GSDMC: variants seen among roughly 807,000 people sequenced by gnomAD.
The protein encoded by GSDMC is gasdermin-C.
In GSDMC, 59 loss-of-function variants were observed where a neutral mutation model predicts 58.0. That is an observed-to-expected ratio of 1.02 (90% confidence interval 0.82 to 1.26). GSDMC has a LOEUF of 1.26. GSDMC is among the 50% of genes most tolerant of loss of function. GSDMC has a pLI of 0.00. For missense variants in GSDMC, 659 were observed against 598.5 expected (o/e 1.10, Z -1.06); for synonymous variants, 241 against 220.2 (o/e 1.09, Z -0.83).
chr8:129,762,530 G>A (rs1215705310), intron 5 of GSDMC, 96 bp downstream of exon 5: 9 of 790,312 alleles, frequency 1.1e-5, no homozygotes, highest in South Asian at 1.0e-4. Context: ...AGCATCAAAG[G>A]TTGCATACTA....
chr8:129,751,917 C>G, intron 8 of GSDMC, 26 bp from the exon 9 acceptor site: 1 of 1,608,728 alleles, frequency 6.2e-7, no homozygotes, highest in East Asian at 2.2e-5. Context: ...AAATTCCTCA[C>G]CAAAGAGGCT....
At chr8:129,749,001 A>G (rs1408109360) in intron 13 of GSDMC, among the ~76,000 whole-genome samples, 1 of 152,194 alleles carries the variant, frequency 6.6e-6, no homozygotes, top group Non-Finnish European at 1.5e-5. Flanking sequence ...TTCTAAATGT[A>G]TATGCATATA....
At chr8:129,755,889 CAA>C (rs900724015) in intron 6 of GSDMC, among the ~76,000 whole-genome samples, 1 of 124,642 alleles carries the variant, frequency 8.0e-6, no homozygotes, top group Admixed American at 8.0e-5. Flanking sequence ...AAACAAAAAG[CAA>C]AAAAAAAAAC....
chr8:129,710,410 TTC>T, the GSDMC span, among the ~76,000 whole-genome samples: 1 of 152,200 alleles, frequency 6.6e-6, no homozygotes, highest in South Asian at 2.1e-4. Context: ...CAGTGATGCT[TTC>T]TTGTGTTTGG....
chr8:129,755,428 G>A (rs892203701), intron 6 of GSDMC, among the ~76,000 whole-genome samples: 2 of 152,122 alleles, frequency 1.3e-5, no homozygotes, highest in African/African-American at 4.8e-5. Flanking sequence ...CAAAAGCTGA[G>A]TAATTTCATC....
chr8:129,774,468 A>C (rs955785112), intron 3 of GSDMC, among the ~76,000 whole-genome samples: 1 of 151,940 alleles, frequency 6.6e-6, no homozygotes, highest in Non-Finnish European at 1.5e-5. Context: ...ACAGGGGGAA[A>C]GTTCCTCAAG....
At chr8:129,775,705 TTAAA>T (rs1563811459) in intron 3 of GSDMC, among the ~76,000 whole-genome samples, 1 of 152,210 alleles carries the variant, frequency 6.6e-6, no homozygotes, top group Non-Finnish European at 1.5e-5. Context: ...TACATGTTAT[TTAAA>T]TAAACAGTTT....
chr8:129,777,877 AC>A (rs990647111), intron 1 of GSDMC, among the ~76,000 whole-genome samples: 9 of 152,058 alleles, frequency 5.9e-5, no homozygotes, highest in South Asian at 2.1e-4. Flanking sequence ...ACACCATCAC[AC>A]CTGGCTTCCA....
intron 6 of GSDMC, among the ~76,000 whole-genome samples, chr8:129,755,504 A>G (rs1310572746): frequency 6.6e-6 from 1 of 152,176 alleles, no homozygotes; most frequent in Non-Finnish European, 1.5e-5. Flanking sequence ...AAGGACATTA[A>G]TGAGCAAGAA....
rs192005088 is a variant in GSDMC at position 129,755,130 on chromosome 8, G to A, written c.722-2310C>T. Among the ~76,000 whole-genome samples the A allele has an allele frequency of 5.9e-5, 9 of 152,186 alleles. No homozygotes were observed. The South Asian group carries it at 8.3e-4, about 14-fold the overall frequency. On this transcript the variant is annotated intron_variant, in intron 6 of 13. Coordinates refer to ENST00000276708, the MANE Select transcript of GSDMC (RefSeq NM_031415.3). ...GTACAAGTAAGTTATAGAACACCAC[G>A]CAGATTTAACCCAAAGCAGACTACC...
At chr8:129,706,857 T>C in the GSDMC span, among the ~76,000 whole-genome samples, 1 of 152,202 alleles carries the variant, frequency 6.6e-6, no homozygotes, top group East Asian at 1.9e-4. Context: ...ACTATTTCCA[T>C]AGTATTCAGC....
chr8:129,730,122 G>A, the GSDMC span: 2 of 971,848 alleles, frequency 2.1e-6, no homozygotes, highest in African/African-American at 1.6e-5. Context: ...GTTTCTGAAT[G>A]CCAACAAGAG....
chr8:129,708,524 T>C, the GSDMC span, among the ~76,000 whole-genome samples: 1 of 152,148 alleles, frequency 6.6e-6, no homozygotes, highest in African/African-American at 2.4e-5. Flanking sequence ...AAGGGAAAAA[T>C]AGCCAAGACA....
At chr8:129,726,999 T>TAC in the GSDMC span, among the ~76,000 whole-genome samples, 289 of 92,838 alleles carry the variant, frequency 3.1e-3, no homozygotes, top group Middle Eastern at 0.01. Flanking sequence ...CCAATACACA[T>TAC]ACACACACAC....
At chr8:129,747,650 T>C (rs2032997343), downstream of GSDMC, among the ~76,000 whole-genome samples, 1 of 152,158 alleles carries the variant, frequency 6.6e-6, no homozygotes, top group Non-Finnish European at 1.5e-5. Context: ...TTTAAATTAT[T>C]CCCCATGCCT....
chr8:129,760,643 A>ATAG, intron 5 of GSDMC, 54 bp from the exon 6 acceptor site: 23 of 518,276 alleles, frequency 4.4e-5, no homozygotes, highest in Non-Finnish European at 6.1e-5. Context: ...TCCTGCCTGA[A>ATAG]CCTAGACCAG....
chr8:129,743,252 C>G (rs892437985), downstream of GSDMC, among the ~76,000 whole-genome samples: 24 of 152,178 alleles, frequency 1.6e-4, no homozygotes, highest in African/African-American at 5.5e-4. Flanking sequence ...TATCGTATCA[C>G]AGGTCCTTGA....
At chr8:129,753,515 G>A (rs372790061) in intron 6 of GSDMC, among the ~76,000 whole-genome samples, 3 of 152,316 alleles carry the variant, frequency 2.0e-5, no homozygotes, top group East Asian at 1.9e-4. Flanking sequence ...GGTATGTAGT[G>A]GGCCTTGGGC....
At chr8:129,727,594 C>A in the GSDMC span, among the ~76,000 whole-genome samples, 3 of 152,154 alleles carry the variant, frequency 2.0e-5, no homozygotes, top group Non-Finnish European at 4.4e-5. Flanking sequence ...TTTGAAGCCA[C>A]TGTGAAGGAA....
Sources: gnomAD v4.1 joint callset for allele counts (sites outside exome capture counted in the v4.1 genomes callset) on GRCh38, gnomAD v4.1.1 for gene constraint, MANE v1.5 for transcripts, NCBI Gene and HGNC (gene_info 2026-07-23, HGNC 2026-07-21) for gene names.